The following ZC3H11A variants were observed in gnomAD, a reference collection of about 807,000 sequenced individuals.
ZC3H11A encodes zinc finger CCCH domain-containing protein 11A.
In ZC3H11A, 22 loss-of-function variants were observed where a neutral mutation model predicts 90.8. That is an observed-to-expected ratio of 0.24 (90% CI 0.17 to 0.35). The LOEUF (loss-of-function observed/expected upper bound fraction) is 0.35, where lower values mean the gene tolerates loss of function less well. Among genes scored for constraint, ZC3H11A ranks in the 10% least tolerant of loss-of-function variants. ZC3H11A has a pLI of 1.00. For missense variants in ZC3H11A, 701 were observed against 964.9 expected, an observed-to-expected ratio of 0.73 and a Z score of 3.62; for synonymous variants, 294 against 339.8, an observed-to-expected ratio of 0.87 and a Z score of 1.48.
At chr1:203,832,456 GT>G (rs1210598972) in intron 9 of ZC3H11A, among the ~76,000 whole-genome samples, 3 of 151,972 alleles carry the variant, frequency 2.0e-5, no homozygotes, top group African/African-American at 7.3e-5. Flanking sequence ...CGCCTCCCAG[GT>G]TCAAGTGATT....
At chr1:203,849,204 A>G (rs186249133) in intron 14 of ZC3H11A, among the ~76,000 whole-genome samples, 74 of 152,268 alleles carry the variant, frequency 4.9e-4, no homozygotes, top group African/African-American at 1.6e-3. Flanking sequence ...CTTTTTGTTT[A>G]TATATGCATG....
chr1:203,811,281 C>T (rs891977725), intron 2 of ZC3H11A, among the ~76,000 whole-genome samples: 21 of 152,084 alleles, frequency 1.4e-4, no homozygotes, highest in Non-Finnish European at 2.6e-4. Context: ...GCACTTCAGC[C>T]TGGGCAACAA....
chr1:203,821,374 T>A (rs1035209015), intron 4 of ZC3H11A, among the ~76,000 whole-genome samples: 1 of 152,212 alleles, frequency 6.6e-6, no homozygotes, highest in Non-Finnish European at 1.5e-5. Context: ...GAAAATGGAC[T>A]AATACATGTG....
At chr1:203,842,249 G>A (rs906337524) in intron 12 of ZC3H11A, among the ~76,000 whole-genome samples, 1 of 152,160 alleles carries the variant, frequency 6.6e-6, no homozygotes, top group Non-Finnish European at 1.5e-5. Context: ...AAGGCAGGCG[G>A]CTGGGAGGTG....
In ZC3H11A at chr1:203,852,159, C is replaced by G; in HGVS notation, c.2193C>G (p.Thr731=). The change falls in exon 18 of 18, where the codon ACC becomes ACG. Residue 731 remains threonine (T), a synonymous_variant. Transcript: ENST00000367210. ...NPRDSLVLPP[T]QSSSDSSPPE... is the part of the protein sequence containing the mutation. ...CTTACAGTCTTGTGCTGCCTCCAAC[C>G]CAGTCCTCTTCAGATTCCTCACCCC... is the stretch of plus-strand genomic sequence containing the variant. 1 of 1,613,606 alleles carries G rather than the reference C, an allele frequency of 6.2e-7. No individual in the cohort carries two copies. Among genetic ancestry groups the G allele is most frequent in the Non-Finnish European group, 8.5e-7 (1 of 1,179,830 alleles).
At chr1:203,822,938 C>G (rs1679259144) in intron 4 of ZC3H11A, among the ~76,000 whole-genome samples, 1 of 152,174 alleles carries the variant, frequency 6.6e-6, no homozygotes, top group African/African-American at 2.4e-5. Flanking sequence ...AGTTCATGTG[C>G]CTGGGGTCAG....
At chr1:203,819,138 A>G (rs1243167817) in intron 4 of ZC3H11A, among the ~76,000 whole-genome samples, 3 of 146,542 alleles carry the variant, frequency 2.0e-5, no homozygotes, top group African/African-American at 5.3e-5. Flanking sequence ...ATACATATGT[A>G]TATGTGTGTA....
intron 2 of ZC3H11A, among the ~76,000 whole-genome samples, chr1:203,816,610 AACAGAGTGAG>A (rs1468063790): frequency 6.6e-6 from 1 of 152,268 alleles, no homozygotes; most frequent in East Asian, 1.9e-4. Flanking sequence ...CAGCCTGGGC[AACAGAGTGAG>A]ACACTGTCTC....
chr1:203,815,311 T>A (rs1675990379), intron 2 of ZC3H11A, among the ~76,000 whole-genome samples: 1 of 144,468 alleles, frequency 6.9e-6, no homozygotes, highest in Non-Finnish European at 1.5e-5. Flanking sequence ...GCCTCCTGGG[T>A]TCAAGTGATT....
chr1:203,806,192 C>A, intron 2 of ZC3H11A: 1 of 457,364 alleles, frequency 2.2e-6, no homozygotes, highest in South Asian at 1.7e-5. Flanking sequence ...GCCCTGCTGT[C>A]CACCATGCCA....
Position 203,812,441 on chromosome 1 carries a change from C to T in ZC3H11A, c.-145-4485C>T, listed in dbSNP as rs375598656. On this transcript the variant is annotated intron_variant, in intron 2 of 17. Coordinates refer to ENST00000367210, the MANE Select transcript of ZC3H11A (RefSeq NM_001376342.1). ...GCCTCTGGCTCCATTCATGTCCCTG[C>T]AAAGGACATGATTTTGTTCCTTTTT... 3.0e-3 allele frequency among the ~76,000 whole-genome samples: 453 copies of T among 152,254 alleles called. 2 individuals are homozygous for T. In the Middle Eastern group the frequency reaches 0.031, roughly 10 times the overall value.
intron 9 of ZC3H11A, 111 bp downstream of exon 9, chr1:203,831,882 A>G: frequency 1.2e-6 from 1 of 808,196 alleles, no homozygotes; most frequent in Non-Finnish European, 2.0e-6. Context: ...ATTTGTTAGT[A>G]TGCTGATGAG....
intron 5 of ZC3H11A, chr1:203,829,128 T>A (rs1008100818): frequency 7.5e-5 from 24 of 317,962 alleles, no homozygotes; most frequent in Middle Eastern, 9.5e-4. Context: ...AGAAGCTACT[T>A]CTTTGCTGAG....
At position 203,802,315 on chromosome 1, in the gene ZC3H11A, T is replaced by C. The variant is rs1376675097; in HGVS notation, c.-847T>C. On this transcript the variant is annotated 5_prime_UTR_variant, in exon 2 of 18. Transcript: ENST00000367210. Reference sequence around the variant, plus strand: ...TAGTGTAACAATAACTTCATGATACTTTGGTATAAGAGTAAGTTCTTTATT... The same window carrying C: ...TAGTGTAACAATAACTTCATGATACCTTGGTATAAGAGTAAGTTCTTTATT... 2.0e-5 allele frequency: 3 copies of C among 152,626 alleles called. No homozygotes were observed. Among genetic ancestry groups the C allele is most frequent in the Non-Finnish European group, 4.4e-5 (3 of 68,042 alleles). The allele number at this position is 152,626 out of a possible 1,614,324, so 9.5% of individuals were successfully genotyped here.
At chr1:203,828,166 C>A (rs1013836323) in intron 4 of ZC3H11A, 133 bp from the exon 5 acceptor site, 2 of 1,020,756 alleles carry the variant, frequency 2.0e-6, no homozygotes, top group Non-Finnish European at 2.9e-6. Context: ...ATCTCTCTTC[C>A]TTCTAAAAAT....
chr1:203,797,836 A>C (rs3737972), intron 1 of ZC3H11A: 5 of 1,535,880 alleles, frequency 3.3e-6, no homozygotes, highest in African/African-American at 1.4e-5. Flanking sequence ...TTAGCTTCCA[A>C]TGACCCTGAG....
intron 14 of ZC3H11A, among the ~76,000 whole-genome samples, chr1:203,849,489 G>T (rs1688756712): frequency 6.6e-6 from 1 of 152,174 alleles, no homozygotes; most frequent in South Asian, 2.1e-4. Context: ...AGTCATGGTT[G>T]TCTAGCCTGT....
intron 1 of ZC3H11A, chr1:203,800,221 AG>A: frequency 7.0e-7 from 1 of 1,436,910 alleles, no homozygotes; most frequent in Non-Finnish European, 9.5e-7. Context: ...GCTTTGACCC[AG>A]GTTGCCATCC....
intron 2 of ZC3H11A, among the ~76,000 whole-genome samples, chr1:203,815,211 CT>C (rs199677164): frequency 2.4e-4 from 14 of 59,422 alleles, no homozygotes; most frequent in East Asian, 1.8e-3. Context: ...TCTTCCTTTT[CT>C]TTTCTTTTTT....
Sources: gnomAD v4.1 joint callset for allele counts (sites outside exome capture counted in the v4.1 genomes callset) on GRCh38, gnomAD v4.1.1 for gene constraint, MANE v1.5 for transcripts, NCBI Gene and HGNC (gene_info 2026-07-23, HGNC 2026-07-21) for gene names.